BRMS1L: variants seen among roughly 807,000 people sequenced by gnomAD.
BRMS1L encodes the protein BRMS1 like transcriptional repressor.
Under a neutral mutation model 50.3 loss-of-function variants are expected in BRMS1L, and 23 were observed. The observed-to-expected ratio is 0.46, with a 90% CI of 0.33 to 0.65. The LOEUF (loss-of-function observed/expected upper bound fraction) is 0.65. Among genes scored for constraint, BRMS1L ranks in the 30% least tolerant of loss-of-function variants. BRMS1L has a pLI of 0.02. For synonymous variants in BRMS1L, 114 were observed against 126.9 expected (o/e 0.90, Z 0.69); for missense variants, 286 against 386.1 (o/e 0.74, Z 2.17).
At chr14:35,849,671 T>G (rs944383540) in intron 4 of BRMS1L, among the ~76,000 whole-genome samples, 2 of 152,210 alleles carry the variant, frequency 1.3e-5, no homozygotes, top group African/African-American at 2.4e-5. Flanking sequence ...TTGATTTGCA[T>G]TTCCCTGATG....
intron 4 of BRMS1L, among the ~76,000 whole-genome samples, chr14:35,836,517 T>A (rs1314411364): frequency 6.6e-6 from 1 of 152,098 alleles, no homozygotes; most frequent in Non-Finnish European, 1.5e-5. Context: ...ATTTTTAAAA[T>A]TTTTTGTAGA....
At chr14:35,864,487 C>T (rs973069836) in intron 6 of BRMS1L, among the ~76,000 whole-genome samples, 2 of 152,168 alleles carry the variant, frequency 1.3e-5, no homozygotes, top group African/African-American at 4.8e-5. Context: ...TCTTGAACTC[C>T]TGGGCTTAAG....
chr14:35,855,560 T>C (rs2078269171), intron 4 of BRMS1L, among the ~76,000 whole-genome samples: 1 of 152,224 alleles, frequency 6.6e-6, no homozygotes, highest in African/African-American at 2.4e-5. Flanking sequence ...TCTTCTATCA[T>C]TTTTCAGCTT....
At chr14:35,862,499 A>T (rs1164729020) in intron 4 of BRMS1L, 91 bp from the exon 5 acceptor site, 1 of 623,100 alleles carries the variant, frequency 1.6e-6, no homozygotes, top group African/African-American at 1.9e-5. Context: ...AAAGCATCAT[A>T]TATTAAAGTA....
intron 4 of BRMS1L, among the ~76,000 whole-genome samples, chr14:35,836,990 C>T (rs1160764742): frequency 6.6e-6 from 1 of 152,092 alleles, no homozygotes; most frequent in Non-Finnish European, 1.5e-5. Flanking sequence ...GTATTTTAAT[C>T]TCTTTGTAGC....
At chr14:35,834,001 A>G (rs1367056163) in intron 3 of BRMS1L, among the ~76,000 whole-genome samples, 2 of 152,162 alleles carry the variant, frequency 1.3e-5, no homozygotes, top group African/African-American at 4.8e-5. Flanking sequence ...TTTAGATTAC[A>G]TGGATGATCA....
At position 35,835,210 on chromosome 14, in the gene BRMS1L, T is replaced by C. The variant is rs554151728; in HGVS notation, c.441+287T>C. On this transcript the variant is annotated intron_variant, in intron 4 of 9. Coordinates refer to ENST00000216807, the MANE Select transcript of BRMS1L (RefSeq NM_032352.4). The stretch of plus-strand genomic sequence containing the variant: ...TGTCACCTGGCATTACTGAAAATAT[T>C]AGTATAATTAGTATAATGTGGATTA... Among the ~76,000 whole-genome samples the C allele has an allele frequency of 5.3e-4, 80 of 152,278 alleles. 1 individual carries two copies. Among genetic ancestry groups the C allele is most frequent in the African/African-American group, 1.8e-3 (75 of 41,560 alleles).
chr14:35,862,097 T>G (rs1392527781), intron 4 of BRMS1L, among the ~76,000 whole-genome samples: 1 of 152,184 alleles, frequency 6.6e-6, no homozygotes, highest in Non-Finnish European at 1.5e-5. Flanking sequence ...ATTGAATTAT[T>G]TTAAATAATC....
chr14:35,845,155 A>T (rs903910078), intron 4 of BRMS1L, among the ~76,000 whole-genome samples: 9 of 152,178 alleles, frequency 5.9e-5, no homozygotes, highest in Non-Finnish European at 1.3e-4. Flanking sequence ...CCATGTAGAT[A>T]ATAATGTCAT....
intron 1 of BRMS1L, chr14:35,829,830 C>T: frequency 8.0e-7 from 1 of 1,257,662 alleles, no homozygotes; most frequent in Non-Finnish European, 1.0e-6. Context: ...AGATGCAGAT[C>T]ATTTTGTGCT....
At chr14:35,859,734 C>G (rs2078326138) in intron 4 of BRMS1L, among the ~76,000 whole-genome samples, 1 of 152,182 alleles carries the variant, frequency 6.6e-6, no homozygotes, top group South Asian at 2.1e-4. Flanking sequence ...ATTGCAGCCT[C>G]CAACTCCTGG....
intron 4 of BRMS1L, 114 bp downstream of exon 4, chr14:35,835,037 T>C: frequency 5.5e-6 from 3 of 549,622 alleles, no homozygotes; most frequent in Non-Finnish European, 8.3e-6. Context: ...CTTTAGCTCA[T>C]CATTTGTGTG....
intron 4 of BRMS1L, among the ~76,000 whole-genome samples, chr14:35,840,098 G>A (rs533480240): frequency 2.6e-5 from 4 of 152,166 alleles, no homozygotes; most frequent in Admixed American, 1.3e-4. Context: ...GAATTTTATC[G>A]AAGACATTTT....
At chr14:35,831,111 T>A (rs1304267911) in intron 1 of BRMS1L, among the ~76,000 whole-genome samples, 1 of 151,982 alleles carries the variant, frequency 6.6e-6, no homozygotes, top group African/African-American at 2.4e-5. Context: ...AGCTAATATT[T>A]TTATATTTTG....
At chr14:35,827,194 G>T (rs1307835350) in intron 1 of BRMS1L, among the ~76,000 whole-genome samples, 1 of 152,164 alleles carries the variant, frequency 6.6e-6, no homozygotes, top group Non-Finnish European at 1.5e-5. Context: ...GAGAGGAAGG[G>T]ACCAACATTC....
rs1594343231 is a variant in BRMS1L at position 35,858,796 on chromosome 14, C to G, written c.442-3794C>G. ...AACCCATGTGAGAACATGGGCCTCT[C>G]CACAGGCTGATTGAGTGTCCTCATA... On this transcript the variant is annotated intron_variant, in intron 4 of 9. Coordinates refer to ENST00000216807, the MANE Select transcript of BRMS1L (RefSeq NM_032352.4). The G allele has an allele frequency of 2.6e-5, 4 of 152,190 alleles. No individual in the cohort carries two copies. In the East Asian group the frequency reaches 7.7e-4, roughly 29 times the overall value. The allele number at this position is 152,190 out of a possible 1,614,324, so 9.4% of individuals were successfully genotyped here. A position where few individuals can be genotyped will look rare whatever the true frequency, so the allele number is the denominator to read the frequency against.
At chr14:35,870,300 C>T (rs1021782310) in intron 9 of BRMS1L, 60 bp from the exon 10 acceptor site, 20 of 1,078,460 alleles carry the variant, frequency 1.9e-5, no homozygotes, top group African/African-American at 3.2e-5. Flanking sequence ...AGGTAATAAT[C>T]TAAAGTGAAT....
chr14:35,826,609 G>C lies in BRMS1L; in HGVS notation c.93G>C (p.Glu31Asp), dbSNP rs140117219. ...DYAENEGSSS[E>D]DEDTESSSVS... ...CCGAAAATGAGGGGAGCAGCTCCGA[G>C]GACGAGGACACTGAGAGCTCGTCGG... Residue 31 changes from glutamate to aspartate, a missense_variant, in exon 1 of 10, where the codon GAG (glutamate) becomes GAC (aspartate). Coordinates refer to ENST00000216807, the MANE Select transcript of BRMS1L (RefSeq NM_032352.4). The C allele has an allele frequency of 6.0e-4, 964 of 1,612,390 alleles. 2 individuals are homozygous for C. Among genetic ancestry groups the C allele is most frequent in the Middle Eastern group, 4.5e-3 (27 of 6,060 alleles).
chr14:35,837,885 A>T (rs1412089269), intron 4 of BRMS1L, among the ~76,000 whole-genome samples: 1 of 152,062 alleles, frequency 6.6e-6, no homozygotes, highest in Admixed American at 6.6e-5. Flanking sequence ...CTTTTTAAAA[A>T]AATTATACTT....
Sources: allele counts gnomAD v4.1 joint callset (sites outside exome capture counted in the v4.1 genomes callset), GRCh38; gene constraint gnomAD v4.1.1; transcripts MANE v1.5; gene names NCBI Gene and HGNC (gene_info 2026-07-23, HGNC 2026-07-21).